Variants in SP140L observed in about 807,000 individuals in gnomAD.
SP140L encodes SP140 like nuclear body protein.
A neutral mutation model predicts 84.3 loss-of-function variants in SP140L; 64 were observed. That is an observed-to-expected ratio of 0.76 (90% confidence interval 0.62 to 0.94). The LOEUF is 0.94. SP140L is among the 40% of genes least tolerant of loss of function. The pLI is 0.00. For missense variants in SP140L, 628 were observed against 692.5 expected (o/e 0.91, Z 1.05); for synonymous variants, 242 against 236.9 (o/e 1.02, Z -0.20).
chr2:230,379,448 T>C (rs1609427), intron 7 of SP140L, among the ~76,000 whole-genome samples: 34,945 of 152,152 alleles, frequency 0.23, 4,252 homozygotes, highest in Non-Finnish European at 0.28. Context: ...TCACTACAAA[T>C]TGAATACCCC....
intron 13 of SP140L, among the ~76,000 whole-genome samples, chr2:230,394,608 G>A (rs72996302): frequency 0.27 from 40,682 of 151,986 alleles, 5,759 homozygotes; most frequent in Non-Finnish European, 0.31. Context: ...CTCAGCCTGG[G>A]TGACCCAAAT....
intron 2 of SP140L, among the ~76,000 whole-genome samples, chr2:230,340,862 C>T (rs2060020545): frequency 6.7e-6 from 1 of 148,176 alleles, no homozygotes; most frequent in Non-Finnish European, 1.5e-5. Flanking sequence ...GAGAGATCCG[C>T]TGTTAGTCTG....
Position 230,396,903 on chromosome 2 carries a change from T to C in SP140L, c.1197+105T>C, listed in dbSNP as rs1044834401. The C allele has an allele frequency of 2.7e-5, 38 of 1,408,296 alleles. 1 individual carries two copies. The highest frequency in any genetic ancestry group is 1.7e-4 in the South Asian group (14 of 80,724). 87.2% of individuals were successfully genotyped at this position (1,408,296 alleles called of 1,614,324 possible). A position where few individuals can be genotyped will look rare whatever the true frequency, so the allele number is the denominator to read the frequency against. ...TTGCCTGAAGCATGTTCAGTCTCAG[T>C]TGGAGTATGTGGCTGTGTGAATTCA... On this transcript the variant is annotated intron_variant, in intron 14 of 18. Transcript: ENST00000415673.
chr2:230,341,512 C>T (rs1369491843), intron 2 of SP140L, among the ~76,000 whole-genome samples: 8 of 150,392 alleles, frequency 5.3e-5, no homozygotes, highest in African/African-American at 2.0e-4. Context: ...ATTCTCCATC[C>T]AGCTTTGTTC....
intron 2 of SP140L, among the ~76,000 whole-genome samples, chr2:230,354,853 GA>G (rs1553617532): frequency 1.9e-5 from 1 of 53,030 alleles, no homozygotes; most frequent in Admixed American, 2.4e-4. Context: ...AGAAAGGAAA[GA>G]AAGAAAGAAA....
intron 12 of SP140L, 41 bp from the exon 13 acceptor site, chr2:230,393,373 A>G: frequency 6.4e-7 from 1 of 1,557,776 alleles, no homozygotes; most frequent in Non-Finnish European, 8.7e-7. Context: ...ACAAAACAGA[A>G]ACGCAGGCTG....
chr2:230,387,261 A>G (rs1213481754), intron 9 of SP140L, among the ~76,000 whole-genome samples: 1 of 152,220 alleles, frequency 6.6e-6, no homozygotes, highest in Admixed American at 6.5e-5. Flanking sequence ...ATACAAGTTT[A>G]TTAAACTCTT....
intron 2 of SP140L, among the ~76,000 whole-genome samples, chr2:230,345,828 A>C: frequency 6.6e-6 from 1 of 152,280 alleles, no homozygotes; most frequent in Non-Finnish European, 1.5e-5. Flanking sequence ...TATATTGGAT[A>C]TCTAAAACCA....
Position 230,388,592 on chromosome 2 carries a change from C to T in SP140L, c.818C>T (p.Thr273Ile). The T allele has an allele frequency of 6.2e-7, 1 of 1,609,740 alleles. No homozygotes were observed. Among genetic ancestry groups the T allele is most frequent in the Non-Finnish European group, 8.5e-7 (1 of 1,178,838 alleles). Reference sequence around the variant, plus strand: ...AGAGGCAAACCTGGAACCCACTTTACTCAGAGTGACAGAGCTCCACAGAAA... The same window carrying T: ...AGAGGCAAACCTGGAACCCACTTTATTCAGAGTGACAGAGCTCCACAGAAA... ...RKRGKPGTHFTQSDRAPQKRV... is the reference protein window; with the variant it reads ...RKRGKPGTHFIQSDRAPQKRV... The change falls in exon 10 of 19, where the codon ACT (threonine) becomes ATT (isoleucine). Residue 273 changes from threonine to isoleucine, a missense_variant. Thr to Ile is a moderately conservative substitution (Grantham distance 89, BLOSUM62 -1). Around this residue, in one of 4 missense-constraint regions of SP140L, gnomAD observed 525 missense variants for 518.4 expected, o/e 1.01. Coordinates refer to ENST00000415673, the MANE Select transcript of SP140L (RefSeq NM_138402.6).
chr2:230,361,524 A>C, intron 4 of SP140L, 90 bp from the exon 5 acceptor site: 1 of 865,898 alleles, frequency 1.2e-6, no homozygotes, highest in Non-Finnish European at 1.8e-6. Context: ...GAGTCAGCCT[A>C]ATGCTGGAAA....
chr2:230,351,010 T>C (rs2060348042), intron 2 of SP140L, among the ~76,000 whole-genome samples: 1 of 152,064 alleles, frequency 6.6e-6, no homozygotes, highest in African/African-American at 2.4e-5. Flanking sequence ...ATCATTACAT[T>C]ACCTTTGAAC....
intron 2 of SP140L, among the ~76,000 whole-genome samples, chr2:230,340,857 A>G (rs1374575853): frequency 2.7e-5 from 4 of 147,202 alleles, no homozygotes; most frequent in African/African-American, 5.0e-5. Context: ...CTGCTGAGAG[A>G]TCCGCTGTTA....
intron 11 of SP140L, among the ~76,000 whole-genome samples, chr2:230,391,242 G>A (rs901001629): frequency 3.4e-4 from 51 of 152,202 alleles, no homozygotes; most frequent in Admixed American, 2.6e-4. Context: ...TTCAAGAAAG[G>A]AATTGCTGAG....
At chr2:230,391,930 G>A in intron 11 of SP140L, 157 bp from the exon 12 acceptor site, 1 of 969,838 alleles carries the variant, frequency 1.0e-6, no homozygotes, top group Non-Finnish European at 1.5e-6. Context: ...CTTTCAGGCT[G>A]GATTTGGGGC....
At chr2:230,336,173 T>C (rs2059874549) in intron 2 of SP140L, among the ~76,000 whole-genome samples, 1 of 152,194 alleles carries the variant, frequency 6.6e-6, no homozygotes, top group Non-Finnish European at 1.5e-5. Flanking sequence ...CATGATGGGA[T>C]TGGGAGGTTT....
intron 12 of SP140L, 104 bp from the exon 13 acceptor site, chr2:230,393,310 C>A: frequency 7.7e-7 from 1 of 1,291,472 alleles, no homozygotes; most frequent in Non-Finnish European, 1.1e-6. Flanking sequence ...TTTGAGCTGG[C>A]ATTGGAACAC....
intron 15 of SP140L, chr2:230,400,613 G>A (rs567831221): frequency 2.0e-5 from 10 of 506,822 alleles, no homozygotes; most frequent in East Asian, 7.5e-5. Context: ...GGTCTTAGGC[G>A]GATGGAGGCC....
intron 8 of SP140L, among the ~76,000 whole-genome samples, chr2:230,384,402 C>T (rs557599399): frequency 6.6e-6 from 1 of 152,236 alleles, no homozygotes; most frequent in African/African-American, 2.4e-5. Context: ...GATTTCCTTT[C>T]TCCTAGTCAA....
chr2:230,359,599 G>A (rs2060651303), intron 4 of SP140L, among the ~76,000 whole-genome samples: 1 of 152,158 alleles, frequency 6.6e-6, no homozygotes, highest in Non-Finnish European at 1.5e-5. Flanking sequence ...ATAGCTTTCA[G>A]GGTGCCACAG....
Sources: allele counts gnomAD v4.1 joint callset (sites outside exome capture counted in the v4.1 genomes callset), GRCh38; gene constraint gnomAD v4.1.1; regional missense constraint gnomAD v4.1.1; transcripts MANE v1.5; gene names NCBI Gene and HGNC (gene_info 2026-07-23, HGNC 2026-07-21).